Variants in SH3RF3 observed in about 807,000 individuals in gnomAD.
SH3RF3 encodes SH3 domain containing ring finger 3.
A neutral mutation model predicts 66.3 loss-of-function variants in SH3RF3; 29 were observed. The ratio of observed to expected loss-of-function variants is 0.44; its 90% confidence interval spans 0.33 to 0.60. SH3RF3 has a LOEUF of 0.60. Among genes scored for constraint, SH3RF3 ranks in the 20% least tolerant of loss-of-function variants. The pLI, the probability that SH3RF3 is intolerant of heterozygous loss-of-function variation, is 0.04. For synonymous variants in SH3RF3, 583 were observed against 532.0 expected (o/e 1.10, Z -1.32); for missense variants, 1,194 against 1,190.9 (o/e 1.00, Z -0.04).
intron 1 of SH3RF3, among the ~76,000 whole-genome samples, chr2:109,173,804 G>A (rs1030853004): frequency 6.6e-6 from 1 of 152,204 alleles, no homozygotes; most frequent in Non-Finnish European, 1.5e-5. Flanking sequence ...CCTGACCAAA[G>A]GCATGCGATG....
At chr2:109,249,499 TTC>T (rs368353177) in intron 1 of SH3RF3, among the ~76,000 whole-genome samples, 1,259 of 29,872 alleles carry the variant, frequency 0.042, 25 homozygotes, top group African/African-American at 0.17. Flanking sequence ...CTTTCTTTCT[TTC>T]TTTCTTTCAT....
intron 4 of SH3RF3, among the ~76,000 whole-genome samples, chr2:109,411,254 G>A (rs962120343): frequency 6.6e-6 from 1 of 152,206 alleles, no homozygotes; most frequent in Non-Finnish European, 1.5e-5. Flanking sequence ...GGCTTTGCAG[G>A]ATGCTGGCCG....
rs182209584 is a variant in SH3RF3 at position 109,257,858 on chromosome 2, A to G, written c.574-89816A>G. On this transcript the variant is annotated intron_variant, in intron 1 of 9. Transcript: ENST00000309415. ...GGAAACCCCACTTTCCCAGTGAGTC[A>G]CAGTAAACACAGACAGAGCACACTG... Among the ~76,000 whole-genome samples, 1,114 of 152,272 alleles carry G rather than the reference A, an allele frequency of 7.3e-3. 8 individuals are homozygous for G. Among genetic ancestry groups the G allele is most frequent in the South Asian group, 0.024 (114 of 4,828 alleles).
chr2:109,371,470 T>A, intron 2 of SH3RF3, 116 bp from the exon 3 acceptor site: 1 of 765,734 alleles, frequency 1.3e-6, no homozygotes, highest in Non-Finnish European at 2.2e-6. Flanking sequence ...GCACTCTTCT[T>A]GAACTCATTC....
At chr2:109,256,552 T>C (rs1680227690) in intron 1 of SH3RF3, among the ~76,000 whole-genome samples, 1 of 152,176 alleles carries the variant, frequency 6.6e-6, no homozygotes, top group African/African-American at 2.4e-5. Context: ...GAGGGGCTAG[T>C]GTGTAAAGGG....
intron 5 of SH3RF3, among the ~76,000 whole-genome samples, chr2:109,429,083 G>C (rs1209793111): frequency 6.6e-6 from 1 of 152,196 alleles, no homozygotes; most frequent in Non-Finnish European, 1.5e-5. Context: ...GCTGCAGGGG[G>C]CAGCGGCAGA....
intron 5 of SH3RF3, among the ~76,000 whole-genome samples, chr2:109,432,251 A>G (rs1042972643): frequency 3.3e-5 from 5 of 152,080 alleles, no homozygotes; most frequent in Non-Finnish European, 7.4e-5. Flanking sequence ...GAATCCTCCT[A>G]AGGCTGTGGG....
chr2:109,312,812 G>C (rs1046733679), intron 1 of SH3RF3, among the ~76,000 whole-genome samples: 9 of 152,162 alleles, frequency 5.9e-5, no homozygotes, highest in African/African-American at 1.9e-4. Context: ...TGGCTCTTGT[G>C]GGTAGAGCTG....
intron 5 of SH3RF3, among the ~76,000 whole-genome samples, chr2:109,421,264 C>T (rs558944064): frequency 1.3e-5 from 2 of 152,242 alleles, no homozygotes; most frequent in Non-Finnish European, 2.9e-5. Context: ...GCCATGAGTG[C>T]TTCAAGGGCA....
intron 6 of SH3RF3, among the ~76,000 whole-genome samples, chr2:109,435,537 T>A (rs2104581322): frequency 6.6e-6 from 1 of 152,302 alleles, no homozygotes; most frequent in East Asian, 1.9e-4. Context: ...CTGAGCATTG[T>A]GAGTCCATTT....
chr2:109,172,727 G>T (rs2104953235), intron 1 of SH3RF3, among the ~76,000 whole-genome samples: 1 of 152,308 alleles, frequency 6.6e-6, no homozygotes, highest in African/African-American at 2.4e-5. Flanking sequence ...CCCATGTTGA[G>T]CTCTGGCAGG....
intron 1 of SH3RF3, among the ~76,000 whole-genome samples, chr2:109,200,581 C>T (rs150974776): frequency 2.1e-4 from 32 of 152,286 alleles, no homozygotes; most frequent in African/African-American, 7.5e-4. Context: ...TAGGCACCGC[C>T]GACCTTTTCC....
At chr2:109,338,097 C>T (rs367691670) in intron 1 of SH3RF3, among the ~76,000 whole-genome samples, 43 of 152,162 alleles carry the variant, frequency 2.8e-4, no homozygotes, top group African/African-American at 8.2e-4. Flanking sequence ...TTAGTAAACA[C>T]GCTGTGTGCT....
chr2:109,257,470 G>T (rs900872930), intron 1 of SH3RF3, among the ~76,000 whole-genome samples: 4 of 152,132 alleles, frequency 2.6e-5, no homozygotes, highest in African/African-American at 9.7e-5. Context: ...TGGCTTTCTT[G>T]TAAATAGCAG....
intron 8 of SH3RF3, among the ~76,000 whole-genome samples, chr2:109,478,188 C>T (rs188450842): frequency 5.9e-5 from 9 of 152,332 alleles, no homozygotes; most frequent in South Asian, 2.1e-4. Context: ...TATGACCTAA[C>T]GGCCTTGTTA....
At position 109,490,766 on chromosome 2, in the gene SH3RF3, C is replaced by T. The variant is rs191278485; in HGVS notation, c.2310C>T (p.His770=). Residue 770 remains histidine, a synonymous_variant, in exon 9 of 10, where the codon CAC becomes CAT. Coordinates refer to ENST00000309415, the MANE Select transcript of SH3RF3 (RefSeq NM_001099289.3). ...VGPEVSSLSI[H]GRAGSCPIES... ...CCGAAGTGTCCTCACTGTCCATCCA[C>T]GGCAGGGCAGGGTCCTGCCCCATAG... 1.6e-4 allele frequency: 239 copies of T among 1,536,596 alleles called. No homozygotes were observed. The highest frequency in any genetic ancestry group is 5.0e-4 in the Middle Eastern group (3 of 5,988).
chr2:109,377,723 A>T (rs1309772994), intron 3 of SH3RF3, among the ~76,000 whole-genome samples: 1 of 152,186 alleles, frequency 6.6e-6, no homozygotes, highest in African/African-American at 2.4e-5. Flanking sequence ...CAGCACAATG[A>T]TGATAGCGTG....
chr2:109,264,390 C>T (rs1353688596), intron 1 of SH3RF3, among the ~76,000 whole-genome samples: 1 of 151,870 alleles, frequency 6.6e-6, no homozygotes, highest in Non-Finnish European at 1.5e-5. Context: ...CCAGGATCCA[C>T]CTCGAGTCTG....
At chr2:109,391,103 C>T (rs1183898298) in intron 3 of SH3RF3, among the ~76,000 whole-genome samples, 1 of 152,224 alleles carries the variant, frequency 6.6e-6, no homozygotes, top group African/African-American at 2.4e-5. Context: ...AAATGAAAAC[C>T]ATTCGCTCCG....
Sources: allele counts gnomAD v4.1 joint callset (sites outside exome capture counted in the v4.1 genomes callset), GRCh38; gene constraint gnomAD v4.1.1; transcripts MANE v1.5; gene names NCBI Gene and HGNC (gene_info 2026-07-23, HGNC 2026-07-21).